PNPLA7: variants seen among roughly 807,000 people sequenced by gnomAD.
PNPLA7 encodes patatin-like phospholipase domain-containing protein 7.
PNPLA7 carries 153 observed loss-of-function variants against 161.7 expected under a neutral mutation model. The observed-to-expected ratio is 0.95, with a 90% confidence interval of 0.83 to 1.08. PNPLA7 has a LOEUF of 1.08. PNPLA7 is among the 50% of genes least tolerant of loss of function. The probability of loss-of-function intolerance (pLI) is 0.00; values close to 1 mark genes in which losing one functional copy is unlikely to be tolerated. For synonymous variants in PNPLA7, 809 were observed against 782.1 expected (o/e 1.03, Z -0.57); for missense variants, 1,739 against 1,856.6 (o/e 0.94, Z 1.16).
At chr9:137,507,737 C>T (rs183757362) in intron 12 of PNPLA7, among the ~76,000 whole-genome samples, 1 of 142,114 alleles carries the variant, frequency 7.0e-6, no homozygotes, top group Non-Finnish European at 1.5e-5. Flanking sequence ...GAGCAAAACT[C>T]CATCTCAAAA....
At chr9:137,518,944 C>T (rs1834828240) in intron 11 of PNPLA7, among the ~76,000 whole-genome samples, 1 of 138,534 alleles carries the variant, frequency 7.2e-6, no homozygotes, top group African/African-American at 2.8e-5. Context: ...ACTCTGTCCA[C>T]TCCATCCTCA....
intron 8 of PNPLA7, among the ~76,000 whole-genome samples, chr9:137,529,024 T>C (rs976089393): frequency 6.6e-6 from 1 of 152,260 alleles, no homozygotes; most frequent in South Asian, 2.1e-4. Context: ...AGAAACTGTC[T>C]TGCTACTCTA....
intron 11 of PNPLA7, among the ~76,000 whole-genome samples, chr9:137,518,625 A>C (rs1222396021): frequency 4.8e-5 from 2 of 42,056 alleles, no homozygotes; most frequent in East Asian, 7.8e-4. Context: ...CCACTCACTC[A>C]CTCCACTCTG....
At chr9:137,535,474 G>A (rs1274732262) in intron 8 of PNPLA7, among the ~76,000 whole-genome samples, 1 of 152,138 alleles carries the variant, frequency 6.6e-6, no homozygotes, top group Non-Finnish European at 1.5e-5. Context: ...AACATTCAGG[G>A]CCAGGCGCAG....
chr9:137,494,788 C>T (rs113289324), intron 19 of PNPLA7, among the ~76,000 whole-genome samples: 1 of 147,472 alleles, frequency 6.8e-6, no homozygotes, highest in Admixed American at 6.7e-5. Flanking sequence ...TCATCCACTC[C>T]GCACCCTCAC....
intron 14 of PNPLA7, among the ~76,000 whole-genome samples, chr9:137,502,739 A>C (rs1404086678): frequency 2.6e-3 from 27 of 10,366 alleles, no homozygotes; most frequent in East Asian, 0.01. Context: ...GGGGGGGACG[A>C]GAGGGATGTG....
At chr9:137,464,657 G>A (rs1454103387) in intron 26 of PNPLA7, 8 of 595,166 alleles carry the variant, frequency 1.3e-5, no homozygotes, top group African/African-American at 1.1e-4. Flanking sequence ...GGGCCTGAAA[G>A]CCAGGACACA....
Position 137,484,751 on chromosome 9 carries a change from A to G in PNPLA7, c.2198-15T>C. 1 of 1,595,918 alleles carries G rather than the reference A, an allele frequency of 6.3e-7. No homozygotes were observed. Among genetic ancestry groups the G allele is most frequent in the Non-Finnish European group, 8.5e-7 (1 of 1,169,998 alleles). ...AAGCTGGTGGCCTGTGGAGCAAAGG[A>G]CCCACGTCAGCTGGGACAGCCCACA... On this transcript the variant is annotated splice_polypyrimidine_tract_variant and intron_variant, in intron 20 of 34. Coordinates refer to ENST00000406427, the MANE Select transcript of PNPLA7 (RefSeq NM_001098537.3).
Position 137,463,420 on chromosome 9 carries a change from AGGTTGT to A in PNPLA7, c.3332_3337del (p.Asn1111_Leu1113delinsIle). On this transcript the variant is annotated inframe_deletion, in exon 29 of 35. Transcript: ENST00000406427. ...TGGTCCCCCCACCGCAGTACCTGGG[AGGTTGT>A]TGATGTAGCCCCCGTCCATCAGCAG... 5.0e-6 allele frequency: 8 copies of A among 1,602,134 alleles called. No individual in the cohort carries two copies. The highest frequency in any genetic ancestry group is 6.8e-6 in the Non-Finnish European group (8 of 1,174,274).
intron 14 of PNPLA7, 126 bp downstream of exon 14, chr9:137,505,488 C>G (rs1588630721): frequency 8.7e-7 from 1 of 1,143,378 alleles, no homozygotes; most frequent in African/African-American, 1.6e-5. Flanking sequence ...CAAGCCTGCA[C>G]TCCACCCAAA....
In PNPLA7 at chr9:137,499,548, C is replaced by T. The variant is rs145970683; in HGVS notation, c.1757+1143G>A. Among the ~76,000 whole-genome samples, 432 of 152,280 alleles carry T rather than the reference C, an allele frequency of 2.8e-3. 8 individuals are homozygous for T. The highest frequency in any genetic ancestry group is 0.019 in the Admixed American group (288 of 15,310). ...CAGGGTCCCCTGCTGGTGGAGGGACCGGGACTTGGAGCCTCAGTCTCCCCA... is the reference window on the plus strand; with the variant it reads ...CAGGGTCCCCTGCTGGTGGAGGGACTGGGACTTGGAGCCTCAGTCTCCCCA... On this transcript the variant is annotated intron_variant, in intron 16 of 34. Transcript: ENST00000406427. This position sits in a 1 kb window ranked among gnomAD's most constrained non-coding sequence, Gnocchi z 5.5.
At chr9:137,535,752 C>CAAA (rs60744369) in intron 8 of PNPLA7, among the ~76,000 whole-genome samples, 41 of 99,254 alleles carry the variant, frequency 4.1e-4, no homozygotes, top group East Asian at 9.2e-4. Context: ...GACCCCGTCT[C>CAAA]AAAAAAAAAA....
chr9:137,510,218 A>G (rs1834146287), intron 12 of PNPLA7, among the ~76,000 whole-genome samples: 2 of 152,110 alleles, frequency 1.3e-5, no homozygotes, highest in Non-Finnish European at 2.9e-5. Flanking sequence ...CGGGGAGTTT[A>G]GAGAAGACTC....
intron 9 of PNPLA7, among the ~76,000 whole-genome samples, chr9:137,522,151 T>A (rs1018548525): frequency 9.2e-5 from 14 of 152,244 alleles, no homozygotes; most frequent in Non-Finnish European, 1.5e-4. Context: ...CTCGGCTCAC[T>A]GCAAGCTCCG....
intron 19 of PNPLA7, among the ~76,000 whole-genome samples, 169 bp downstream of exon 19, chr9:137,494,864 C>T (rs1832962451): frequency 6.6e-6 from 1 of 151,418 alleles, no homozygotes; most frequent in Non-Finnish European, 1.5e-5. Flanking sequence ...GCCCTGCCCT[C>T]ACCTGCTCCG....
intron 12 of PNPLA7, among the ~76,000 whole-genome samples, chr9:137,512,274 C>T (rs1201945927): frequency 2.0e-5 from 3 of 152,260 alleles, no homozygotes; most frequent in African/African-American, 4.8e-5. Context: ...ATTCACACGG[C>T]GAAGCCTGCA....
At position 137,462,418 on chromosome 9, in the gene PNPLA7, C is replaced by T. The variant is rs926444781; in HGVS notation, c.3493-87G>A. ...CGTGGCGCAGGACAGGTTCTGGGGACCCATCCTCTGGGGTAGGTAGGTTCT... is the reference window on the plus strand; with the variant it reads ...CGTGGCGCAGGACAGGTTCTGGGGATCCATCCTCTGGGGTAGGTAGGTTCT... On this transcript the variant is annotated intron_variant, in intron 30 of 34. Coordinates refer to ENST00000406427, the MANE Select transcript of PNPLA7 (RefSeq NM_001098537.3). The T allele has an allele frequency of 1.7e-5, 25 of 1,512,382 alleles. No homozygotes were observed. The African/African-American group carries it at 3.5e-4, about 21-fold the overall frequency. 93.7% of individuals were successfully genotyped at this position (1,512,382 alleles called of 1,614,324 possible).
rs1014877622 is a variant in PNPLA7, at chr9:137,501,502, C to A, written c.1551+148G>T. The stretch of plus-strand genomic sequence containing the variant: ...GCTCAGGGCTGCCTGAGGGGAGGGG[C>A]TCTGCCATGGTGCCCAGAGGGGCAG... On this transcript the variant is annotated intron_variant, in intron 15 of 34. Coordinates refer to ENST00000406427, the MANE Select transcript of PNPLA7 (RefSeq NM_001098537.3). 3.0e-5 allele frequency: 23 copies of A among 765,840 alleles called. No individual in the cohort carries two copies. The African/African-American group carries it at 3.9e-4, about 13-fold the overall frequency. 47.4% of individuals were successfully genotyped at this position (765,840 alleles called of 1,614,324 possible). A position where few individuals can be genotyped will look rare whatever the true frequency, so the allele number is the denominator to read the frequency against.
chr9:137,515,445 G>T lies in PNPLA7; in HGVS notation c.1159C>A (p.Arg387Ser), dbSNP rs747295601. Residue 387 changes from arginine to serine, a missense_variant, in exon 12 of 35, where the codon CGC (arginine) becomes AGC (serine). Arg to Ser is a moderately radical substitution (Grantham distance 110). Transcript: ENST00000406427. Reference sequence around the variant, plus strand: ...TCCAGCTCCTCCAAGATCTGTTTGCGAATGGAAGGCGCGGGGACGGAGTGG... The same window carrying T: ...TCCAGCTCCTCCAAGATCTGTTTGCTAATGGAAGGCGCGGGGACGGAGTGG... The part of the protein sequence containing the change: ...RSHSVPAPSI[R>S]KQILEELEKP... 1.3e-6 allele frequency: 2 copies of T among 1,599,822 alleles called. No individual in the cohort carries two copies. The highest frequency in any genetic ancestry group is 1.3e-5 in the African/African-American group (1 of 74,668).
Sources: gnomAD v4.1 joint callset for allele counts (sites outside exome capture counted in the v4.1 genomes callset) on GRCh38, gnomAD v4.1.1 for gene constraint, Gnocchi (gnomAD v3.1) non-coding constraint, MANE v1.5 for transcripts, NCBI Gene and HGNC (gene_info 2026-07-23, HGNC 2026-07-21) for gene names.